The following SBF2 variants were observed in gnomAD, a reference collection of about 807,000 sequenced individuals.
SBF2 encodes the protein myotubularin-related protein 13.
SBF2 carries 112 observed loss-of-function variants against 225.2 expected under a neutral mutation model. The observed-to-expected ratio is 0.50, with a 90% CI of 0.43 to 0.58. The LOEUF is 0.58. SBF2 is among the 20% of genes least tolerant of loss of function. SBF2 has a pLI of 0.00. For missense variants in SBF2, 1,996 were observed against 2,206.2 expected, an observed-to-expected ratio of 0.90 and a Z score of 1.91; for synonymous variants, 763 against 773.3, an observed-to-expected ratio of 0.99 and a Z score of 0.22.
At chr11:9,946,693 GC>G (rs1865583244) in intron 16 of SBF2, among the ~76,000 whole-genome samples, 1 of 152,064 alleles carries the variant, frequency 6.6e-6, no homozygotes, top group South Asian at 2.1e-4. Context: ...CAGGTAATCC[GC>G]CCGCCTCGGC....
At chr11:10,143,727 T>G (rs1158082787) in intron 2 of SBF2, among the ~76,000 whole-genome samples, 1 of 151,822 alleles carries the variant, frequency 6.6e-6, no homozygotes, top group Non-Finnish European at 1.5e-5. Flanking sequence ...TGCTTTTGTT[T>G]TTTTTTTTTA....
At position 9,968,443 on chromosome 11, in the gene SBF2, G is replaced by C. The variant is rs146366305; in HGVS notation, c.1498C>G (p.Arg500Gly). Residue 500 changes from arginine (R) to glycine (G), a missense_variant, in exon 14 of 40, where the codon CGG (arginine) becomes GGG (glycine). Arg to Gly is a moderately radical substitution (Grantham distance 125). Transcript: ENST00000256190. ...TTTTCCTGTATTAATTCCTGAACCC[G>C]GGCTTCATTAATCTCTGGGAAAGGA... ...ILPFPEINEA[R>G]VQELIQENVA... is the part of the protein sequence containing the mutation. 3.7e-6 allele frequency: 6 copies of C among 1,613,798 alleles called. No homozygotes were observed. The highest frequency in any genetic ancestry group is 4.2e-6 in the Non-Finnish European group (5 of 1,179,814).
chr11:10,038,806 G>C (rs912172249), intron 3 of SBF2, among the ~76,000 whole-genome samples: 1 of 151,572 alleles, frequency 6.6e-6, no homozygotes, highest in African/African-American at 2.4e-5. Flanking sequence ...CACTGATTCA[G>C]AGACAAGTAT....
At chr11:10,166,229 A>G (rs1344379564) in intron 2 of SBF2, among the ~76,000 whole-genome samples, 1 of 152,228 alleles carries the variant, frequency 6.6e-6, no homozygotes, top group African/African-American at 2.4e-5. Flanking sequence ...AAACTTATTT[A>G]ATCAGTAAAA....
intron 1 of SBF2, among the ~76,000 whole-genome samples, chr11:10,258,075 C>CACAT (rs1555098166): frequency 6.6e-5 from 7 of 105,868 alleles, no homozygotes; most frequent in African/African-American, 2.7e-4. Context: ...TATAAATACA[C>CACAT]ACACATACAC....
Position 9,808,143 on chromosome 11 carries a change from T to C in SBF2, c.4300A>G (p.Thr1434Ala), listed in dbSNP as rs1289073228. 6.2e-7 allele frequency: 1 copy of C among 1,614,120 alleles called. No homozygotes were observed. The change falls in exon 32 of 40, where the codon ACA (threonine) becomes GCA (alanine). Residue 1434 changes from threonine (T) to alanine (A), a missense_variant. Thr to Ala is a moderately conservative substitution (Grantham distance 58). Transcript: ENST00000256190. ...VQLLSDPFYRTLEGFQMLVEK... is the reference protein window; with the variant it reads ...VQLLSDPFYRALEGFQMLVEK... ...ACCAACATCTGGAAGCCTTCAAGTG[T>C]CCTATAAAAGGGATCACTGAGTAAC...
In SBF2 at chr11:9,817,053, G is replaced by C. The variant is rs773486766; in HGVS notation, c.3794-29C>G. The C allele has an allele frequency of 5.0e-6, 8 of 1,612,592 alleles. No homozygotes were observed. In the South Asian group the frequency reaches 7.7e-5, roughly 16 times the overall value. On this transcript the variant is annotated intron_variant, in intron 28 of 39. Coordinates refer to ENST00000256190, the MANE Select transcript of SBF2 (RefSeq NM_030962.4). ...CACAAAAGCCAAAGTCGTGGAGTGA[G>C]ATAATCTAATGTGGGAATGCCACTA...
intron 38 of SBF2, 79 bp from the exon 39 acceptor site, chr11:9,781,717 C>A: frequency 6.6e-7 from 1 of 1,515,166 alleles, no homozygotes; most frequent in South Asian, 1.1e-5. Flanking sequence ...CATTTGAATA[C>A]CTTCCTCTGT....
chr11:10,224,188 A>G (rs1958452528), intron 1 of SBF2, among the ~76,000 whole-genome samples: 1 of 152,078 alleles, frequency 6.6e-6, no homozygotes, highest in Non-Finnish European at 1.5e-5. Flanking sequence ...GTTTTTTCAA[A>G]TTGTCACACA....
At chr11:9,963,697 G>A in intron 15 of SBF2, 76 bp downstream of exon 15, 1 of 734,474 alleles carries the variant, frequency 1.4e-6, no homozygotes, top group Non-Finnish European at 2.4e-6. Context: ...AAAGAAGAGA[G>A]AAGCTGGTAA....
chr11:9,810,118 A>G (rs896546880), intron 30 of SBF2: 6 of 152,152 alleles, frequency 3.9e-5, no homozygotes, highest in African/African-American at 1.2e-4. Flanking sequence ...TCTACAAAAC[A>G]TACAAAAACC....
chr11:10,230,584 G>C (rs1245103649), intron 1 of SBF2, among the ~76,000 whole-genome samples: 3 of 152,144 alleles, frequency 2.0e-5, no homozygotes, highest in Non-Finnish European at 4.4e-5. Context: ...TAGTTTGGCT[G>C]GATATGAAAT....
intron 2 of SBF2, among the ~76,000 whole-genome samples, chr11:10,060,842 C>A (rs1448663813): frequency 3.3e-5 from 5 of 152,068 alleles, no homozygotes; most frequent in African/African-American, 1.2e-4. Flanking sequence ...TCCTGGCTAA[C>A]ACGGTTAAAC....
At chr11:9,945,166 G>A (rs554497630) in intron 16 of SBF2, among the ~76,000 whole-genome samples, 36 of 152,138 alleles carry the variant, frequency 2.4e-4, no homozygotes, top group East Asian at 7.7e-4. Context: ...AAACAAAGCC[G>A]GAGGCATCAC....
At chr11:10,025,416 C>T (rs1312743141) in intron 6 of SBF2, among the ~76,000 whole-genome samples, 2 of 151,968 alleles carry the variant, frequency 1.3e-5, no homozygotes, top group African/African-American at 4.8e-5. Flanking sequence ...AACTTAAATT[C>T]CAATTTTCCC....
At chr11:9,817,891 G>C (rs1190103923) in intron 28 of SBF2, among the ~76,000 whole-genome samples, 2 of 152,104 alleles carry the variant, frequency 1.3e-5, no homozygotes, top group Non-Finnish European at 2.9e-5. Flanking sequence ...GTAAGACACT[G>C]TCTCTAAAAT....
intron 3 of SBF2, among the ~76,000 whole-genome samples, chr11:10,038,884 T>A (rs1949546750): frequency 6.6e-6 from 1 of 151,896 alleles, no homozygotes; most frequent in Non-Finnish European, 1.5e-5. Flanking sequence ...TAAAATTTTA[T>A]ACTTTTAACA....
At chr11:9,806,198 A>G (rs1459443672) in intron 32 of SBF2, among the ~76,000 whole-genome samples, 2 of 152,278 alleles carry the variant, frequency 1.3e-5, no homozygotes, top group African/African-American at 4.8e-5. Flanking sequence ...CTGACTCATT[A>G]GAAATACATA....
At chr11:9,866,659 T>C (rs933496777) in intron 17 of SBF2, among the ~76,000 whole-genome samples, 6 of 152,216 alleles carry the variant, frequency 3.9e-5, no homozygotes, top group African/African-American at 7.2e-5. Context: ...CTGCAGGACA[T>C]TGGTCTGGGC....
Sources: allele counts gnomAD v4.1 joint callset (sites outside exome capture counted in the v4.1 genomes callset), GRCh38; gene constraint gnomAD v4.1.1; transcripts MANE v1.5; gene names NCBI Gene and HGNC (gene_info 2026-07-23, HGNC 2026-07-21).